PDIK1L: variants seen among roughly 807,000 people sequenced by gnomAD.
PDIK1L encodes the protein PDLIM1 interacting kinase 1 like, also known as serine/threonine-protein kinase PDIK1L.
PDIK1L carries 9 observed loss-of-function variants against 27.1 expected under a neutral mutation model. The ratio of observed to expected loss-of-function variants is 0.33; its 90% CI spans 0.20 to 0.58. PDIK1L has a LOEUF of 0.58. Ranked by LOEUF, PDIK1L falls within the 20% of genes least tolerant of loss-of-function variation. The pLI is 0.86. For missense variants in PDIK1L, 216 were observed against 413.2 expected (o/e 0.52, Z 4.14); for synonymous variants, 130 against 141.7 (o/e 0.92, Z 0.59).
At position 26,124,357 on chromosome 1, in the gene PDIK1L, A is replaced by G. The variant is rs2088042283; in HGVS notation, c.*1780A>G. On this transcript the variant is annotated 3_prime_UTR_variant, in exon 3 of 3. Coordinates refer to ENST00000374269, the MANE Select transcript of PDIK1L (RefSeq NM_152835.5). ...AAATATAAGAATTCTTTTGGAAATT[A>G]GAGGTGGAAACACACTGGAACCTCA... The G allele has an allele frequency of 6.6e-6, 1 of 152,204 alleles. No individual in the cohort carries two copies. The highest frequency in any genetic ancestry group is 1.5e-5 in the Non-Finnish European group (1 of 68,022). The allele number at this position is 152,204 out of a possible 1,614,324, so 9.4% of individuals were successfully genotyped here.
At position 26,114,029 on chromosome 1, in the gene PDIK1L, T is replaced by C. The variant is rs116748662; in HGVS notation, c.-17-263T>C. Among the ~76,000 whole-genome samples the C allele has an allele frequency of 1.4e-3, 212 of 152,312 alleles. 1 individual carries two copies. Among genetic ancestry groups the C allele is most frequent in the Non-Finnish European group, 2.4e-3 (163 of 68,030 alleles). On this transcript the variant is annotated intron_variant, in intron 1 of 2. Coordinates refer to ENST00000374269, the MANE Select transcript of PDIK1L (RefSeq NM_152835.5). The surrounding 1 kb of genome is among the most constrained non-coding windows in gnomAD (Gnocchi z 4.8). ...TATAGTTTCATCTATAAAAAGACCA[T>C]AATAGTATCTATCTCATCAGATTAT...
Position 26,114,439 on chromosome 1 carries a change from C to T in PDIK1L, c.131C>T (p.Pro44Leu). Residue 44 changes from proline (P) to leucine (L), a missense_variant, in exon 2 of 3, where the codon CCT (proline) becomes CTT (leucine). By Grantham distance (98) the Pro-to-Leu change is moderately conservative (BLOSUM62 -3). Transcript: ENST00000374269. This position sits in a 1 kb window ranked among gnomAD's most constrained non-coding sequence, Gnocchi z 4.8. ...VAVKKIRCHA[P>L]ENVELALREF... ...GTGAAGAAAATTCGATGTCACGCAC[C>T]TGAAAATGTTGAACTAGCCCTTCGT... 1 of 1,614,078 alleles carries T rather than the reference C, an allele frequency of 6.2e-7. No homozygotes were observed. The highest frequency in any genetic ancestry group is 8.5e-7 in the Non-Finnish European group (1 of 1,179,986).
intron 2 of PDIK1L, among the ~76,000 whole-genome samples, chr1:26,121,325 A>G (rs761512338): frequency 1.6e-4 from 24 of 152,344 alleles, no homozygotes; most frequent in South Asian, 4.1e-4. Flanking sequence ...AGGAACAGCT[A>G]TTTCTGCAAC....
Position 26,122,746 on chromosome 1 carries a change from TTATTAG to T in PDIK1L, c.*173_*178del, listed in dbSNP as rs2088010178. On this transcript the variant is annotated 3_prime_UTR_variant, in exon 3 of 3. Coordinates refer to ENST00000374269, the MANE Select transcript of PDIK1L (RefSeq NM_152835.5). The surrounding 1 kb of genome is among the most constrained non-coding windows in gnomAD (Gnocchi z 5.4). ...TTTTCTTAAATCCAAGTTGGCCGTTTTATTAGTATGTTTCAAATGTGTATTACCAAT... is the reference window on the plus strand; with the variant it reads ...TTTTCTTAAATCCAAGTTGGCCGTTTTATGTTTCAAATGTGTATTACCAAT... 1.3e-6 allele frequency: 1 copy of T among 763,334 alleles called. No individual in the cohort carries two copies. The highest frequency in any genetic ancestry group is 3.0e-5 in the South Asian group (1 of 33,704). 47.3% of individuals were successfully genotyped at this position (763,334 alleles called of 1,614,324 possible).
In PDIK1L at chr1:26,125,022, T is replaced by C. The variant is rs981651076; in HGVS notation, c.*2445T>C. 1 of 152,614 alleles carries C rather than the reference T, an allele frequency of 6.6e-6. No individual in the cohort carries two copies. The highest frequency in any genetic ancestry group is 2.4e-5 in the African/African-American group (1 of 41,458). 9.5% of individuals were successfully genotyped at this position (152,614 alleles called of 1,614,324 possible). A position where few individuals can be genotyped will look rare whatever the true frequency, so the allele number is the denominator to read the frequency against. On this transcript the variant is annotated 3_prime_UTR_variant, in exon 3 of 3. Transcript: ENST00000374269. ...AAGCAATTGTTCCTCATAGAGTCTT[T>C]TGCCATGATTTATGGTGTTTTTTGA...
intron 2 of PDIK1L, among the ~76,000 whole-genome samples, chr1:26,117,532 T>G (rs1252976208): frequency 6.6e-6 from 1 of 152,110 alleles, no homozygotes; most frequent in Non-Finnish European, 1.5e-5. Context: ...GGCAGGCAGA[T>G]TGGCTGAGCT....
rs1463838434 is a variant in PDIK1L at position 26,122,454 on chromosome 1, T to C, written c.903T>C (p.Asn301=). 6.2e-7 allele frequency: 1 copy of C among 1,614,148 alleles called. No homozygotes were observed. The highest frequency in any genetic ancestry group is 8.5e-7 in the Non-Finnish European group (1 of 1,180,010). Residue 301 remains asparagine (N), a synonymous_variant, in exon 3 of 3, where the codon AAT becomes AAC. Transcript: ENST00000374269. The surrounding 1 kb of genome is among the most constrained non-coding windows in gnomAD (Gnocchi z 5.4). The part of the protein sequence containing the change: ...LLIPVKKKSM[N]GRMKQLIKEM... ...TTCCTGTGAAGAAAAAATCTATGAA[T>C]GGGCGAATGAAACAACTGATTAAGG...
In PDIK1L at chr1:26,122,064, G is replaced by C; in HGVS notation, c.513G>C (p.Leu171=). 6.2e-7 allele frequency: 1 copy of C among 1,613,906 alleles called. No homozygotes were observed. The highest frequency in any genetic ancestry group is 8.5e-7 in the Non-Finnish European group (1 of 1,179,986). The change falls in exon 3 of 3, where the codon CTG becomes CTC. Residue 171 remains leucine (L), a synonymous_variant. Coordinates refer to ENST00000374269, the MANE Select transcript of PDIK1L (RefSeq NM_152835.5). The surrounding 1 kb of genome is among the most constrained non-coding windows in gnomAD (Gnocchi z 5.4). ...IHRDLKPDNI[L]ISQTRLDTSD... ...GAGATCTTAAGCCTGATAACATCCT[G>C]ATTTCTCAAACCAGGTTGGATACCA... is the stretch of plus-strand genomic sequence containing the variant.
At chr1:26,120,909 G>A (rs1251598855) in intron 2 of PDIK1L, among the ~76,000 whole-genome samples, 1 of 145,474 alleles carries the variant, frequency 6.9e-6, no homozygotes, top group East Asian at 2.0e-4. Flanking sequence ...CCGAGATTGC[G>A]CCATTGCACT....
intron 2 of PDIK1L, among the ~76,000 whole-genome samples, chr1:26,120,797 C>T (rs938211573): frequency 6.6e-6 from 1 of 151,974 alleles, no homozygotes; most frequent in Non-Finnish European, 1.5e-5. Flanking sequence ...ACTAAAAATA[C>T]AAAAGTTAGC....
At position 26,123,253 on chromosome 1, in the gene PDIK1L, A is replaced by G. The variant is rs1184404906; in HGVS notation, c.*676A>G. 1 of 151,830 alleles carries G rather than the reference A, an allele frequency of 6.6e-6. No individual in the cohort carries two copies. The highest frequency in any genetic ancestry group is 2.4e-5 in the African/African-American group (1 of 41,228). The allele number at this position is 151,830 out of a possible 1,614,324, so 9.4% of individuals were successfully genotyped here. A position where few individuals can be genotyped will look rare whatever the true frequency, so the allele number is the denominator to read the frequency against. The stretch of plus-strand genomic sequence containing the variant: ...AGGGTCTAAAATTATCTGGTAAAAC[A>G]AATGAAATTAAGTGATCCAAAGCTG... On this transcript the variant is annotated 3_prime_UTR_variant, in exon 3 of 3. Coordinates refer to ENST00000374269, the MANE Select transcript of PDIK1L (RefSeq NM_152835.5).
At chr1:26,113,953 C>CCAA (rs2087840675) in intron 1 of PDIK1L, among the ~76,000 whole-genome samples, 1 of 152,168 alleles carries the variant, frequency 6.6e-6, no homozygotes. Flanking sequence ...AATCCCAGGT[C>CCAA]CACCAGTTAC....
At chr1:26,116,754 C>T (rs914396483) in intron 2 of PDIK1L, among the ~76,000 whole-genome samples, 1 of 152,154 alleles carries the variant, frequency 6.6e-6, no homozygotes, top group Non-Finnish European at 1.5e-5. Context: ...TTGCTCTTGT[C>T]GCCCAGGCTG....
rs537409647 is a variant in PDIK1L, at chr1:26,123,831, A to C, written c.*1254A>C. On this transcript the variant is annotated 3_prime_UTR_variant, in exon 3 of 3. Transcript: ENST00000374269. ...ATCCATTTTATACAATCACTGATAC[A>C]GTCTATGTCAAAAAACCAACAGACC... is the stretch of plus-strand genomic sequence containing the variant. 1 of 152,768 alleles carries C rather than the reference A, an allele frequency of 6.5e-6. No homozygotes were observed. Among genetic ancestry groups the C allele is most frequent in the African/African-American group, 2.4e-5 (1 of 41,584 alleles). 9.5% of individuals were successfully genotyped at this position (152,768 alleles called of 1,614,324 possible).
At chr1:26,121,224 AAGTCATCC>A (rs1409638941) in intron 2 of PDIK1L, among the ~76,000 whole-genome samples, 1 of 152,216 alleles carries the variant, frequency 6.6e-6, no homozygotes, top group Non-Finnish European at 1.5e-5. Flanking sequence ...TGGTTTTTAA[AAGTCATCC>A]AGTGAAAGAG....
chr1:26,122,535 A>G lies in PDIK1L; in HGVS notation c.984A>G (p.Arg328=). The part of the protein sequence containing the change: ...DRPDAFELEL[R]LVQIAFKDSS... The stretch of plus-strand genomic sequence containing the variant: ...CAGATGCTTTTGAACTAGAACTCAG[A>G]TTAGTACAAATTGCATTTAAAGATA... The change falls in exon 3 of 3, where the codon AGA becomes AGG. Residue 328 remains arginine, a synonymous_variant. Coordinates refer to ENST00000374269, the MANE Select transcript of PDIK1L (RefSeq NM_152835.5). This position sits in a 1 kb window ranked among gnomAD's most constrained non-coding sequence, Gnocchi z 5.4. 2 of 1,611,378 alleles carry G rather than the reference A, an allele frequency of 1.2e-6. No individual in the cohort carries two copies. The highest frequency in any genetic ancestry group is 8.5e-7 in the Non-Finnish European group (1 of 1,178,836).
chr1:26,112,617 T>TTA (rs1302963863), intron 1 of PDIK1L: 1 of 152,180 alleles, frequency 6.6e-6, no homozygotes, highest in Non-Finnish European at 1.5e-5. Flanking sequence ...TGGCAGGAAA[T>TTA]TAGACACTAG....
rs1053872121 is a variant in PDIK1L at position 26,111,883 on chromosome 1, A to G, written c.-50A>G. 2.0e-5 allele frequency: 3 copies of G among 151,960 alleles called. No homozygotes were observed. The highest frequency in any genetic ancestry group is 4.4e-5 in the Non-Finnish European group (3 of 67,956). The allele number at this position is 151,960 out of a possible 1,614,324, so 9.4% of individuals were successfully genotyped here. Reference sequence around the variant, plus strand: ...CCGATAATGGCGGCCTGCAGAGCCCATGAGAGGGAGAAGCGGCAGCGTCTA... The same window carrying G: ...CCGATAATGGCGGCCTGCAGAGCCCGTGAGAGGGAGAAGCGGCAGCGTCTA... On this transcript the variant is annotated 5_prime_UTR_variant, in exon 1 of 3. An upstream start codon of the reference 5' UTR is lost. Transcript: ENST00000374269. This position sits in a 1 kb window ranked among gnomAD's most constrained non-coding sequence, Gnocchi z 4.0.
At chr1:26,112,596 A>G (rs1313385669) in intron 1 of PDIK1L, 2 of 152,278 alleles carry the variant, frequency 1.3e-5, no homozygotes, top group Non-Finnish European at 2.9e-5. Flanking sequence ...CAGCCGGCGC[A>G]GAGGATTCTG....
Sources: allele counts gnomAD v4.1 joint callset (sites outside exome capture counted in the v4.1 genomes callset), GRCh38; gene constraint gnomAD v4.1.1; non-coding constraint Gnocchi (gnomAD v3.1); transcripts MANE v1.5; gene names NCBI Gene and HGNC (gene_info 2026-07-23, HGNC 2026-07-21).